Variants in HMCES observed in about 807,000 individuals in gnomAD.
HMCES encodes abasic site processing protein HMCES.
Under a neutral mutation model 35.1 loss-of-function variants are expected in HMCES, and 27 were observed. The observed-to-expected ratio is 0.77, with a 90% confidence interval of 0.57 to 1.06. The LOEUF is 1.06. Among genes scored for constraint, HMCES ranks in the 50% least tolerant of loss-of-function variants. The pLI, the probability that HMCES is intolerant of heterozygous loss-of-function variation, is 0.00. For synonymous variants in HMCES, 130 were observed against 154.7 expected, an observed-to-expected ratio of 0.84 and a Z score of 1.18; for missense variants, 391 against 430.4, an observed-to-expected ratio of 0.91 and a Z score of 0.81.
At chr3:129,289,113 T>C (rs1940726408) in intron 3 of HMCES, 116 bp downstream of exon 3, 1 of 833,616 alleles carries the variant, frequency 1.2e-6, no homozygotes, top group South Asian at 3.1e-5. Flanking sequence ...CAAAAAAGAA[T>C]GTTCCCAGTT....
At chr3:129,285,455 ATT>A (rs150463854) in intron 2 of HMCES, among the ~76,000 whole-genome samples, 1 of 144,860 alleles carries the variant, frequency 6.9e-6, no homozygotes. Flanking sequence ...CAGAGAAAGG[ATT>A]TTTTTTTTTT....
At position 129,305,428 on chromosome 3, in the gene HMCES, G is replaced by T. The variant is rs909868312; in HGVS notation, c.*603G>T. ...GGGCTTTCTGAGGAAATAACTACAAGTCTTGGTGGTGGGCTCCTTATTATG... is the reference window on the plus strand; with the variant it reads ...GGGCTTTCTGAGGAAATAACTACAATTCTTGGTGGTGGGCTCCTTATTATG... On this transcript the variant is annotated 3_prime_UTR_variant, in exon 7 of 7. Transcript: ENST00000383463. The T allele has an allele frequency of 6.6e-6, 1 of 152,112 alleles. No homozygotes were observed. Among genetic ancestry groups the T allele is most frequent in the Non-Finnish European group, 1.5e-5 (1 of 68,046 alleles). The allele number at this position is 152,112 out of a possible 1,614,324, so 9.4% of individuals were successfully genotyped here.
At chr3:129,288,261 C>T (rs577630384) in intron 2 of HMCES, among the ~76,000 whole-genome samples, 8 of 152,044 alleles carry the variant, frequency 5.3e-5, no homozygotes, top group Middle Eastern at 3.4e-3. Flanking sequence ...GGCAACAGAG[C>T]GAAACTGTCT....
chr3:129,304,302 T>C (rs1201205804), intron 6 of HMCES, among the ~76,000 whole-genome samples: 1 of 152,246 alleles, frequency 6.6e-6, no homozygotes, highest in African/African-American at 2.4e-5. Flanking sequence ...TTACATTCTT[T>C]TCCCTGAGAA....
At chr3:129,301,033 A>AAAAAAG (rs1386007474) in intron 5 of HMCES, among the ~76,000 whole-genome samples, 1 of 150,684 alleles carries the variant, frequency 6.6e-6, no homozygotes, top group East Asian at 1.9e-4. Context: ...TCCATCTCAA[A>AAAAAAG]AAAAAAAAAT....
intron 4 of HMCES, 90 bp downstream of exon 4, chr3:129,290,894 AT>A (rs1373237689): frequency 2.3e-6 from 3 of 1,293,736 alleles, no homozygotes; most frequent in Admixed American, 2.0e-5. Context: ...CCATAGTTTT[AT>A]TTATTTATTT....
At chr3:129,281,990 T>C (rs1175248528) in intron 2 of HMCES, among the ~76,000 whole-genome samples, 2 of 150,650 alleles carry the variant, frequency 1.3e-5, no homozygotes, top group Non-Finnish European at 2.9e-5. Flanking sequence ...TTATATGACA[T>C]AGTTATTTTT....
chr3:129,292,684 C>A (rs187111572), intron 4 of HMCES, among the ~76,000 whole-genome samples: 2 of 151,372 alleles, frequency 1.3e-5, no homozygotes, highest in Admixed American at 1.3e-4. Context: ...AGTAGAGACG[C>A]GGTGTTAGCC....
chr3:129,301,918 C>T, intron 5 of HMCES, 32 bp from the exon 6 acceptor site: 1 of 1,561,642 alleles, frequency 6.4e-7, no homozygotes, highest in South Asian at 1.2e-5. Flanking sequence ...CATGCTACCT[C>T]TCCCAACCAT....
chr3:129,303,069 G>A (rs953399424), intron 6 of HMCES, among the ~76,000 whole-genome samples: 1 of 152,134 alleles, frequency 6.6e-6, no homozygotes, highest in African/African-American at 2.4e-5. Context: ...GGATTTGAGA[G>A]CATTCCTACC....
rs776647616 is a variant in HMCES, at chr3:129,279,858, C to A, written c.126C>A (p.Tyr42Ter). 1.5e-5 allele frequency: 24 copies of A among 1,610,962 alleles called. No individual in the cohort carries two copies. The highest frequency in any genetic ancestry group is 4.5e-5 in the East Asian group (2 of 44,796). Residue 42 changes from tyrosine to a stop codon, truncating the protein, a stop_gained, in exon 2 of 7, where the codon TAC becomes TAA. Coordinates refer to ENST00000383463, the MANE Select transcript of HMCES (RefSeq NM_020187.3). LOFTEE classifies it high-confidence loss of function. This position sits in a 1 kb window ranked among gnomAD's most constrained non-coding sequence, Gnocchi z 4.2. ...WRDPDKYCPS[Y>*]NKSPQSNSPV... ...ACCCTGATAAGTACTGCCCCTCTTA[C>A]AACAAGAGTCCTCAATCCAACAGCC...
chr3:129,305,097 T>A lies in HMCES; in HGVS notation c.*272T>A, dbSNP rs1275101247. On this transcript the variant is annotated 3_prime_UTR_variant, in exon 7 of 7. Coordinates refer to ENST00000383463, the MANE Select transcript of HMCES (RefSeq NM_020187.3). ...CCCTTTCCTGGCAGGGCTGGTGGAGTCTTCCCTCAAAGCATGCCTTACCCA... is the reference window on the plus strand; with the variant it reads ...CCCTTTCCTGGCAGGGCTGGTGGAGACTTCCCTCAAAGCATGCCTTACCCA... The A allele has an allele frequency of 2.0e-6, 1 of 501,268 alleles. No homozygotes were observed. Among genetic ancestry groups the A allele is most frequent in the Non-Finnish European group, 3.6e-6 (1 of 281,166 alleles). The allele number at this position is 501,268 out of a possible 1,614,324, so 31.1% of individuals were successfully genotyped here.
At chr3:129,300,140 A>G (rs1237457102) in intron 5 of HMCES, among the ~76,000 whole-genome samples, 4 of 148,148 alleles carry the variant, frequency 2.7e-5, no homozygotes, top group African/African-American at 5.1e-5. Context: ...AAGCTTAGAC[A>G]TGTTTGAGAT....
At chr3:129,298,604 G>C in intron 5 of HMCES, 69 bp downstream of exon 5, 1 of 1,361,412 alleles carries the variant, frequency 7.3e-7, no homozygotes, top group South Asian at 1.3e-5. Flanking sequence ...CTTTTAGGTA[G>C]CTTTAGAGAG....
intron 2 of HMCES, among the ~76,000 whole-genome samples, chr3:129,282,222 G>A (rs1940511773): frequency 6.6e-6 from 1 of 151,588 alleles, no homozygotes; most frequent in African/African-American, 2.4e-5. Context: ...CTTTGGGGGA[G>A]GCTGAGGCCA....
chr3:129,305,145 C>A lies in HMCES; in HGVS notation c.*320C>A, dbSNP rs1454513410. The A allele has an allele frequency of 3.0e-6, 1 of 334,098 alleles. No homozygotes were observed. Among genetic ancestry groups the A allele is most frequent in the Admixed American group, 4.4e-5 (1 of 22,768 alleles). 20.7% of individuals were successfully genotyped at this position (334,098 alleles called of 1,614,324 possible). A position where few individuals can be genotyped will look rare whatever the true frequency, so the allele number is the denominator to read the frequency against. ...CCAGCTGGGAAGTCTCTGCCCTGAT[C>A]TGGTACTCCTTGTAGTAAGCTGTTT... On this transcript the variant is annotated 3_prime_UTR_variant, in exon 7 of 7. Coordinates refer to ENST00000383463, the MANE Select transcript of HMCES (RefSeq NM_020187.3).
rs796312262 is a variant in HMCES, at chr3:129,285,751, AT to A, written c.184-3090del. On this transcript the variant is annotated intron_variant, in intron 2 of 6. Coordinates refer to ENST00000383463, the MANE Select transcript of HMCES (RefSeq NM_020187.3). ...CATGAGCCACCGCGCCCGGCCCAGG[AT>A]TTTTTTTTTTTTCCATCAGAGTCAT... Among the ~76,000 whole-genome samples the A allele has an allele frequency of 1.7e-3, 233 of 139,200 alleles. 1 individual carries two copies. Among genetic ancestry groups the A allele is most frequent in the South Asian group, 0.013 (58 of 4,344 alleles). The allele number at this position is 139,200 out of a possible 152,430, so 91.3% of individuals were successfully genotyped here. A position where few individuals can be genotyped will look rare whatever the true frequency, so the allele number is the denominator to read the frequency against.
chr3:129,291,429 C>G (rs2071014285), intron 4 of HMCES, among the ~76,000 whole-genome samples: 1 of 152,234 alleles, frequency 6.6e-6, no homozygotes, highest in African/African-American at 2.4e-5. Flanking sequence ...AATCTACTTT[C>G]CATCTCTGGA....
rs1476664624 is a variant in HMCES, at chr3:129,304,892, T to C, written c.*67T>C. 8.7e-6 allele frequency: 11 copies of C among 1,262,960 alleles called. No homozygotes were observed. The Admixed American group carries it at 1.7e-4, about 20-fold the overall frequency. The allele number at this position is 1,262,960 out of a possible 1,614,324, so 78.2% of individuals were successfully genotyped here. On this transcript the variant is annotated 3_prime_UTR_variant, in exon 7 of 7. Coordinates refer to ENST00000383463, the MANE Select transcript of HMCES (RefSeq NM_020187.3). ...CTGTTCTGATAATAGGTTCTTAACA[T>C]TGTATGTATATGTGTTTGCTTTGGG...
Sources: allele counts gnomAD v4.1 joint callset (sites outside exome capture counted in the v4.1 genomes callset), GRCh38; gene constraint gnomAD v4.1.1; non-coding constraint Gnocchi (gnomAD v3.1); transcripts MANE v1.5; gene names NCBI Gene and HGNC (gene_info 2026-07-23, HGNC 2026-07-21).